The following TTBK2 variants were observed in gnomAD, a reference collection of about 807,000 sequenced individuals.
TTBK2 encodes tau tubulin kinase 2, also known as tau-tubulin kinase 2.
Under a neutral mutation model 110.8 loss-of-function variants are expected in TTBK2, and 28 were observed. The observed-to-expected ratio is 0.25, with a 90% CI of 0.19 to 0.35. The LOEUF is 0.35. Among genes scored for constraint, TTBK2 ranks in the 10% least tolerant of loss-of-function variants. The pLI is 1.00. For missense variants in TTBK2, 1,369 were observed against 1,500.3 expected (o/e 0.91, Z 1.45); for synonymous variants, 532 against 527.3 (o/e 1.01, Z -0.12).
chr15:42,758,316 G>C (rs1036163414), intron 13 of TTBK2, among the ~76,000 whole-genome samples: 1 of 152,120 alleles, frequency 6.6e-6, no homozygotes, highest in Non-Finnish European at 1.5e-5. Context: ...TTCTACCATA[G>C]ACCTTTTTTG....
intron 3 of TTBK2, among the ~76,000 whole-genome samples, chr15:42,861,899 C>G (rs992262629): frequency 6.6e-6 from 1 of 151,986 alleles, no homozygotes; most frequent in Non-Finnish European, 1.5e-5. Context: ...TCAGAAATGA[C>G]AAGGATGATA....
intron 1 of TTBK2, among the ~76,000 whole-genome samples, chr15:42,895,795 C>T (rs536118624): frequency 6.5e-4 from 99 of 152,054 alleles, no homozygotes; most frequent in African/African-American, 2.3e-3. Flanking sequence ...CCTCAGCCTC[C>T]GAAAGTGCTG....
At chr15:42,795,101 G>A (rs746914629) in intron 9 of TTBK2, among the ~76,000 whole-genome samples, 1 of 152,156 alleles carries the variant, frequency 6.6e-6, no homozygotes, top group African/African-American at 2.4e-5. Context: ...AAGTGTATAT[G>A]TTTGTGCATT....
chr15:42,830,492 G>A (rs998483845), intron 4 of TTBK2, among the ~76,000 whole-genome samples: 3 of 151,820 alleles, frequency 2.0e-5, no homozygotes, highest in African/African-American at 7.3e-5. Context: ...CCAGCCAATA[G>A]CAAGAATTTT....
intron 13 of TTBK2, among the ~76,000 whole-genome samples, chr15:42,767,930 C>T (rs1026488932): frequency 1.3e-5 from 2 of 152,226 alleles, no homozygotes; most frequent in Non-Finnish European, 2.9e-5. Flanking sequence ...AAGTTGGCTT[C>T]ATCCCTGGGA....
At chr15:42,791,101 A>G (rs1163376608) in intron 10 of TTBK2, among the ~76,000 whole-genome samples, 3 of 152,002 alleles carry the variant, frequency 2.0e-5, no homozygotes, top group Admixed American at 1.3e-4. Flanking sequence ...GTTAGCCAGG[A>G]TGGTCTCGAT....
chr15:42,739,293 G>A lies in TTBK2; in HGVS notation c.*6502C>T, dbSNP rs1404167398. 2 of 152,216 alleles carry A rather than the reference G, an allele frequency of 1.3e-5. No homozygotes were observed. Among genetic ancestry groups the A allele is most frequent in the African/African-American group, 4.8e-5 (2 of 41,450 alleles). The allele number at this position is 152,216 out of a possible 1,614,324, so 9.4% of individuals were successfully genotyped here. On this transcript the variant is annotated 3_prime_UTR_variant, in exon 15 of 15. Coordinates refer to ENST00000267890, the MANE Select transcript of TTBK2 (RefSeq NM_173500.4). ...TTTCAGGAAGAGGAGAAGAGAGGGA[G>A]AGAAAAGTGGAATTATTAAAGTCAT...
rs1201099599 is a variant in TTBK2, at chr15:42,742,478, G to A, written c.*3317C>T. The A allele has an allele frequency of 6.6e-6, 1 of 152,162 alleles. No individual in the cohort carries two copies. Among genetic ancestry groups the A allele is most frequent in the Non-Finnish European group, 1.5e-5 (1 of 68,010 alleles). 9.4% of individuals were successfully genotyped at this position (152,162 alleles called of 1,614,324 possible). A position where few individuals can be genotyped will look rare whatever the true frequency, so the allele number is the denominator to read the frequency against. On this transcript the variant is annotated 3_prime_UTR_variant, in exon 15 of 15. Coordinates refer to ENST00000267890, the MANE Select transcript of TTBK2 (RefSeq NM_173500.4). Reference sequence around the variant, plus strand: ...CTAAAATTAAACGCCTCTACGCTGTGCAAGAAATCACTATGTGTGATTTTA... The same window carrying A: ...CTAAAATTAAACGCCTCTACGCTGTACAAGAAATCACTATGTGTGATTTTA...
At chr15:42,880,132 A>G (rs1331447199) in intron 1 of TTBK2, among the ~76,000 whole-genome samples, 1 of 152,228 alleles carries the variant, frequency 6.6e-6, no homozygotes, top group Non-Finnish European at 1.5e-5. Context: ...TGATTAAAAA[A>G]AAGTTCTAAA....
At chr15:42,878,430 G>A in intron 2 of TTBK2, 119 bp downstream of exon 2, 1 of 1,538,930 alleles carries the variant, frequency 6.5e-7, no homozygotes, top group Non-Finnish European at 8.7e-7. Context: ...AGTAATGTAT[G>A]TAATATTTCC....
intron 4 of TTBK2, among the ~76,000 whole-genome samples, chr15:42,838,645 A>G (rs1436141750): frequency 6.6e-6 from 1 of 151,980 alleles, no homozygotes; most frequent in Non-Finnish European, 1.5e-5. Flanking sequence ...ATGAAATCCC[A>G]TCTCTACTAA....
Position 42,817,010 on chromosome 15 carries a change from T to C in TTBK2, c.603+22A>G, listed in dbSNP as rs746810608. The C allele has an allele frequency of 2.2e-5, 35 of 1,580,182 alleles. 1 individual carries two copies. The South Asian group carries it at 3.8e-4, about 17-fold the overall frequency. ...AGCTATTAGCATACTTATACAGATA[T>C]GACTCTAGTTCAGATACCTACCCTG... On this transcript the variant is annotated intron_variant, in intron 7 of 14. Transcript: ENST00000267890.
chr15:42,795,556 CT>C (rs1437627580), intron 9 of TTBK2, among the ~76,000 whole-genome samples: 1 of 152,118 alleles, frequency 6.6e-6, no homozygotes, highest in Non-Finnish European at 1.5e-5. Flanking sequence ...TGAGATTCAT[CT>C]TGTACATTTC....
chr15:42,773,602 G>A (rs1244511754), intron 13 of TTBK2, among the ~76,000 whole-genome samples: 2 of 152,184 alleles, frequency 1.3e-5, no homozygotes, highest in Admixed American at 6.5e-5. Flanking sequence ...ATAGGACAGC[G>A]TCGAGAGAGG....
At chr15:42,879,883 G>A (rs542448830) in intron 1 of TTBK2, among the ~76,000 whole-genome samples, 14 of 151,794 alleles carry the variant, frequency 9.2e-5, no homozygotes, top group African/African-American at 3.1e-4. Flanking sequence ...CGTAATCCCA[G>A]CTACTCAGGA....
chr15:42,872,796 T>G (rs749265610), intron 2 of TTBK2, 38 bp from the exon 3 acceptor site: 6 of 1,609,590 alleles, frequency 3.7e-6, no homozygotes, highest in African/African-American at 2.7e-5. Flanking sequence ...TCTAAATTAC[T>G]AGAAGATTCT....
chr15:42,802,013 T>C, intron 9 of TTBK2: 1 of 1,495,226 alleles, frequency 6.7e-7, no homozygotes, highest in Non-Finnish European at 9.2e-7. Flanking sequence ...TCCATGTTGC[T>C]CCGAGCCATC....
rs535517242 is a variant in TTBK2, at chr15:42,739,504, C to T, written c.*6291G>A. 3 of 152,274 alleles carry T rather than the reference C, an allele frequency of 2.0e-5. No homozygotes were observed. Among genetic ancestry groups the T allele is most frequent in the African/African-American group, 7.2e-5 (3 of 41,540 alleles). 9.4% of individuals were successfully genotyped at this position (152,274 alleles called of 1,614,324 possible). On this transcript the variant is annotated 3_prime_UTR_variant, in exon 15 of 15. Transcript: ENST00000267890. ...AATGGCCTAGTGAAATAGACACTGG[C>T]TATTTTAGAAAAAGGGTCAGAAGGT... is the stretch of plus-strand genomic sequence containing the variant.
At chr15:42,899,996 T>C (rs1596039096) in intron 1 of TTBK2, among the ~76,000 whole-genome samples, 1 of 151,732 alleles carries the variant, frequency 6.6e-6, no homozygotes, top group African/African-American at 2.4e-5. Context: ...ATAAAACTTT[T>C]ATTTTCTCTT....
Sources: allele counts gnomAD v4.1 joint callset (sites outside exome capture counted in the v4.1 genomes callset), GRCh38; gene constraint gnomAD v4.1.1; transcripts MANE v1.5; gene names NCBI Gene and HGNC (gene_info 2026-07-23, HGNC 2026-07-21).